Variants in EXOC4 observed in about 807,000 individuals in gnomAD.
EXOC4 encodes exocyst complex component 4, also known as SEC8-like 1.
Under a neutral mutation model 107.2 loss-of-function variants are expected in EXOC4, and 71 were observed. The observed-to-expected ratio is 0.66, with a 90% CI of 0.55 to 0.81. The LOEUF is 0.81. Ranked by LOEUF, EXOC4 falls within the 30% of genes least tolerant of loss-of-function variation. EXOC4 has a pLI of 0.00. For missense variants in EXOC4, 1,108 were observed against 1,189.6 expected (o/e 0.93, Z 1.01); for synonymous variants, 456 against 441.2 (o/e 1.03, Z -0.42).
In EXOC4 at chr7:133,378,429, T is replaced by A. The variant is rs559782570; in HGVS notation, c.1182+3427T>A. Among the ~76,000 whole-genome samples the A allele has an allele frequency of 2.3e-3, 329 of 144,200 alleles. 2 individuals carry two copies. The highest frequency in any genetic ancestry group is 7.5e-3 in the African/African-American group (294 of 38,986). The allele number at this position is 144,200 out of a possible 152,430, so 94.6% of individuals were successfully genotyped here. On this transcript the variant is annotated intron_variant, in intron 7 of 17. Coordinates refer to ENST00000253861, the MANE Select transcript of EXOC4 (RefSeq NM_021807.4). ...TGAATATGTGGACAAAAAAAAAAAA[T>A]GCTTTTCCCCCCCACATTTCTTGAT...
chr7:133,440,754 C>T (rs1798084820), intron 7 of EXOC4, among the ~76,000 whole-genome samples: 1 of 152,188 alleles, frequency 6.6e-6, no homozygotes, highest in Non-Finnish European at 1.5e-5. Flanking sequence ...TGCATTCTAA[C>T]TTCCATAGAG....
intron 10 of EXOC4, among the ~76,000 whole-genome samples, chr7:133,638,255 T>C (rs1187506656): frequency 1.3e-5 from 2 of 152,172 alleles, no homozygotes; most frequent in Non-Finnish European, 2.9e-5. Context: ...ATAGGAAAGC[T>C]TTTCTTGGGA....
chr7:133,844,876 C>T (rs1254390226), intron 11 of EXOC4, among the ~76,000 whole-genome samples: 1 of 152,118 alleles, frequency 6.6e-6, no homozygotes, highest in African/African-American at 2.4e-5. Context: ...CAGGCACTCT[C>T]TGAAACATGA....
rs187437631 is a variant in EXOC4, at chr7:133,886,112, C to T, written c.1735-9487C>T. Among the ~76,000 whole-genome samples the T allele has an allele frequency of 2.6e-3, 392 of 152,196 alleles. 2 individuals are homozygous for T. Among genetic ancestry groups the T allele is most frequent in the Non-Finnish European group, 4.8e-3 (327 of 68,014 alleles). ...AAGTTCCCAAACCATGAAACACTGT[C>T]CAGTAGATGTGAAAAGATGGGCTAT... On this transcript the variant is annotated intron_variant, in intron 11 of 17. Transcript: ENST00000253861.
At chr7:133,776,366 G>A (rs1445706039) in intron 10 of EXOC4, among the ~76,000 whole-genome samples, 3 of 152,028 alleles carry the variant, frequency 2.0e-5, no homozygotes, top group African/African-American at 7.2e-5. Flanking sequence ...TGTTAGTTTC[G>A]GTTCCATATT....
chr7:133,888,343 A>G (rs577644362), intron 11 of EXOC4, among the ~76,000 whole-genome samples: 136 of 152,310 alleles, frequency 8.9e-4, no homozygotes, highest in African/African-American at 3.0e-3. Flanking sequence ...GTATTTTTTA[A>G]GCATACTTTT....
intron 10 of EXOC4, among the ~76,000 whole-genome samples, chr7:133,634,707 A>G (rs1440958728): frequency 6.6e-6 from 1 of 151,772 alleles, no homozygotes; most frequent in East Asian, 1.9e-4. Flanking sequence ...CTGGTCTAGA[A>G]CTCCTAACAG....
intron 9 of EXOC4, among the ~76,000 whole-genome samples, chr7:133,549,257 G>A (rs370164343): frequency 6.6e-6 from 1 of 152,208 alleles, no homozygotes; most frequent in East Asian, 1.9e-4. Flanking sequence ...CTCCCAAAGT[G>A]CTGGGATTAC....
At chr7:133,464,671 T>C (rs1455909859) in intron 7 of EXOC4, among the ~76,000 whole-genome samples, 1 of 152,066 alleles carries the variant, frequency 6.6e-6, no homozygotes, top group Non-Finnish European at 1.5e-5. Context: ...AAAGACTCTG[T>C]GATGATAGAA....
intron 10 of EXOC4, among the ~76,000 whole-genome samples, chr7:133,709,860 AG>A (rs747147603): frequency 3.0e-4 from 45 of 152,162 alleles, no homozygotes; most frequent in Non-Finnish European, 5.9e-4. Context: ...AGCACTTTGA[AG>A]AGTGCTTGGC....
chr7:133,924,367 G>A (rs1800005545), intron 13 of EXOC4, among the ~76,000 whole-genome samples: 1 of 152,088 alleles, frequency 6.6e-6, no homozygotes. Flanking sequence ...GCTTGACAAT[G>A]GGATTTTCCA....
At chr7:133,327,023 T>C (rs1795262014) in intron 5 of EXOC4, among the ~76,000 whole-genome samples, 1 of 152,182 alleles carries the variant, frequency 6.6e-6, no homozygotes, top group Admixed American at 6.5e-5. Context: ...TGGGATATAA[T>C]CTCCCGGTGT....
intron 7 of EXOC4, among the ~76,000 whole-genome samples, chr7:133,469,500 C>A (rs2150839045): frequency 6.6e-6 from 1 of 152,028 alleles, no homozygotes; most frequent in East Asian, 1.9e-4. Context: ...TTGTGCAAAC[C>A]ACTACTCCTG....
At chr7:133,506,791 G>T (rs1377376342) in intron 9 of EXOC4, among the ~76,000 whole-genome samples, 1 of 151,912 alleles carries the variant, frequency 6.6e-6, no homozygotes, top group Non-Finnish European at 1.5e-5. Context: ...AACTTGATTA[G>T]AGTGTGTACC....
intron 17 of EXOC4, among the ~76,000 whole-genome samples, chr7:134,022,031 T>C (rs975974382): frequency 1.3e-5 from 2 of 152,190 alleles, no homozygotes; most frequent in Non-Finnish European, 2.9e-5. Flanking sequence ...CAGTTCCCCA[T>C]TTCTCCCTTA....
intron 10 of EXOC4, among the ~76,000 whole-genome samples, chr7:133,772,114 G>A (rs1212548819): frequency 1.3e-5 from 2 of 151,692 alleles, no homozygotes; most frequent in Non-Finnish European, 1.5e-5. Context: ...AACTGAAATC[G>A]GTTGCCAAAA....
At chr7:133,807,524 G>A (rs1387998584) in intron 10 of EXOC4, among the ~76,000 whole-genome samples, 1 of 151,964 alleles carries the variant, frequency 6.6e-6, no homozygotes, top group Non-Finnish European at 1.5e-5. Flanking sequence ...AAGTTTCCAG[G>A]TGTATGATGG....
At chr7:133,468,789 G>T (rs1394736473) in intron 7 of EXOC4, among the ~76,000 whole-genome samples, 1 of 152,056 alleles carries the variant, frequency 6.6e-6, no homozygotes, top group East Asian at 1.9e-4. Context: ...CCCCTCTAGG[G>T]TCTTCAAATT....
At chr7:133,971,406 AG>A (rs1440025890) in intron 14 of EXOC4, among the ~76,000 whole-genome samples, 5 of 145,858 alleles carry the variant, frequency 3.4e-5, no homozygotes, top group Admixed American at 2.1e-4. Flanking sequence ...AGAGAGAAAG[AG>A]AGAGAGAATA....
Sources: gnomAD v4.1 joint callset for allele counts (sites outside exome capture counted in the v4.1 genomes callset) on GRCh38, gnomAD v4.1.1 for gene constraint, MANE v1.5 for transcripts, NCBI Gene and HGNC (gene_info 2026-07-23, HGNC 2026-07-21) for gene names.